PDXDC1: variants seen among roughly 807,000 people sequenced by gnomAD.
PDXDC1 encodes the protein pyridoxal-dependent decarboxylase domain-containing protein 1.
Under a neutral mutation model 100.1 loss-of-function variants are expected in PDXDC1, and 42 were observed. The observed-to-expected ratio is 0.42, with a 90% CI of 0.33 to 0.54. PDXDC1 has a LOEUF of 0.54. Ranked by LOEUF, PDXDC1 falls within the 20% of genes least tolerant of loss-of-function variation. The pLI is 0.10. For missense variants in PDXDC1, 636 were observed against 979.2 expected, an observed-to-expected ratio of 0.65 and a Z score of 4.68; for synonymous variants, 260 against 371.7, an observed-to-expected ratio of 0.70 and a Z score of 3.46.
intron 18 of PDXDC1, 84 bp downstream of exon 18, chr16:15,033,063 C>G: frequency 9.9e-7 from 1 of 1,010,790 alleles, no homozygotes; most frequent in Non-Finnish European, 1.6e-6. Context: ...CATCCCTTAG[C>G]GGGCTAGCGC....
At chr16:15,081,792 A>G (rs186371541) in intron 16 of PDXDC1, among the ~76,000 whole-genome samples, 27 of 152,310 alleles carry the variant, frequency 1.8e-4, no homozygotes, top group African/African-American at 6.0e-4. Flanking sequence ...TCAGAGTTTT[A>G]CAGTTTTTAC....
At chr16:14,991,528 T>G (rs74567267) in intron 1 of PDXDC1, among the ~76,000 whole-genome samples, 17 of 146,444 alleles carry the variant, frequency 1.2e-4, no homozygotes, top group Admixed American at 1.0e-3. Flanking sequence ...TTTTGTCTAT[T>G]TTTTTTTTTT....
At chr16:15,033,061 A>G (rs2043162906) in intron 18 of PDXDC1, 82 bp downstream of exon 18, 1 of 1,025,324 alleles carries the variant, frequency 9.8e-7, no homozygotes, top group Non-Finnish European at 1.5e-6. Flanking sequence ...CTCATCCCTT[A>G]GCGGGCTAGC....
At chr16:15,102,551 G>A (rs2046594905) in intron 16 of PDXDC1, among the ~76,000 whole-genome samples, 1 of 151,244 alleles carries the variant, frequency 6.6e-6, no homozygotes, top group Admixed American at 6.6e-5. Flanking sequence ...AGAGAGGGAG[G>A]CAGGCAGGCA....
intron 16 of PDXDC1, chr16:15,108,112 T>C: frequency 1.1e-6 from 1 of 901,236 alleles, no homozygotes; most frequent in Non-Finnish European, 1.3e-6. Context: ...GTCCTGAAAA[T>C]AGGTGACAAC....
At chr16:15,127,200 C>T (rs974950361) in intron 16 of PDXDC1, 15 of 413,564 alleles carry the variant, frequency 3.6e-5, no homozygotes, top group African/African-American at 3.1e-4. Context: ...GTGCTTGCTT[C>T]TTCTGAGTTA....
chr16:15,047,231 C>A, intron 16 of PDXDC1: 1 of 544,948 alleles, frequency 1.8e-6, no homozygotes. Flanking sequence ...ATCTCAAATC[C>A]AGCACAGACT....
chr16:15,063,446 C>T (rs1267524533), intron 16 of PDXDC1, among the ~76,000 whole-genome samples: 4 of 152,108 alleles, frequency 2.6e-5, no homozygotes, highest in East Asian at 1.9e-4. Flanking sequence ...CAGTGGCTCA[C>T]GCCTGTAATC....
At chr16:15,149,670 T>C in the PDXDC1 span, among the ~76,000 whole-genome samples, 1 of 152,214 alleles carries the variant, frequency 6.6e-6, no homozygotes, top group Non-Finnish European at 1.5e-5. Flanking sequence ...TCCTATATTT[T>C]ACATCAGTGA....
chr16:15,053,083 T>G (rs1368340148), intron 16 of PDXDC1, among the ~76,000 whole-genome samples: 1 of 149,622 alleles, frequency 6.7e-6, no homozygotes, highest in Non-Finnish European at 1.5e-5. Flanking sequence ...ATGTGGCTAC[T>G]GCAACTGAGG....
At chr16:15,074,993 T>C (rs778851796) in intron 16 of PDXDC1, 40 of 897,500 alleles carry the variant, frequency 4.5e-5, no homozygotes, top group Non-Finnish European at 6.2e-5. Context: ...CTCACATCTA[T>C]AAGCCCAGCA....
chr16:15,092,384 T>A, intron 16 of PDXDC1: 1 of 684,264 alleles, frequency 1.5e-6, no homozygotes, highest in Non-Finnish European at 2.6e-6. Context: ...ATCATGCTAT[T>A]ATTAAATATT....
intron 16 of PDXDC1, among the ~76,000 whole-genome samples, chr16:15,092,140 C>G (rs1337317960): frequency 6.6e-6 from 1 of 152,156 alleles, no homozygotes; most frequent in Non-Finnish European, 1.5e-5. Flanking sequence ...GGTCACGCCA[C>G]TGCACTCCAG....
chr16:14,987,686 A>G (rs535815250), intron 1 of PDXDC1, among the ~76,000 whole-genome samples: 2 of 152,402 alleles, frequency 1.3e-5, no homozygotes, highest in South Asian at 4.1e-4. Context: ...ATCTCTGCTC[A>G]CTGCAGCCTC....
chr16:15,068,335 G>A, intron 16 of PDXDC1: 2 of 1,517,914 alleles, frequency 1.3e-6, no homozygotes, highest in Non-Finnish European at 1.8e-6. Context: ...AAAAGTGTAA[G>A]ATACTTTTAA....
intron 3 of PDXDC1, 51 bp from the exon 4 acceptor site, chr16:15,001,725 C>T (rs376564841): frequency 2.9e-5 from 41 of 1,420,206 alleles, no homozygotes; most frequent in African/African-American, 1.0e-4. Flanking sequence ...GGGAGAGTGG[C>T]GGGGGATGTG....
downstream of PDXDC1, among the ~76,000 whole-genome samples, chr16:15,143,338 G>A (rs558798516): frequency 1.3e-5 from 2 of 152,290 alleles, no homozygotes; most frequent in African/African-American, 4.8e-5. Flanking sequence ...GGTGTGGCCA[G>A]GCCTGGAGGC....
intron 16 of PDXDC1, among the ~76,000 whole-genome samples, chr16:15,062,143 T>C (rs562623546): frequency 7.9e-5 from 12 of 152,320 alleles, no homozygotes; most frequent in South Asian, 2.1e-4. Context: ...AGCGAGACCA[T>C]GTCTCTAGAA....
chr16:15,139,685 G>A (rs1379083975), downstream of PDXDC1, among the ~76,000 whole-genome samples: 1 of 152,126 alleles, frequency 6.6e-6, no homozygotes, highest in Non-Finnish European at 1.5e-5. Context: ...GGGGGCTGAG[G>A]AAGAAGGATC....
Sources: gnomAD v4.1 joint callset for allele counts (sites outside exome capture counted in the v4.1 genomes callset) on GRCh38, gnomAD v4.1.1 for gene constraint, MANE v1.5 for transcripts, NCBI Gene and HGNC (gene_info 2026-07-23, HGNC 2026-07-21) for gene names.